CREB5: variants seen among roughly 807,000 people sequenced by gnomAD.
The protein encoded by CREB5 is cAMP responsive element binding protein 5.
CREB5 carries 19 observed loss-of-function variants against 57.1 expected under a neutral mutation model. The ratio of observed to expected loss-of-function variants is 0.33; its 90% confidence interval spans 0.23 to 0.49. CREB5 has a LOEUF of 0.49. CREB5 is among the 20% of genes least tolerant of loss of function. The probability of loss-of-function intolerance (pLI) is 0.99; values close to 1 mark genes in which losing one functional copy is unlikely to be tolerated. For synonymous variants in CREB5, 238 were observed against 238.3 expected (o/e 1.00, Z 0.01); for missense variants, 579 against 671.6 (o/e 0.86, Z 1.52).
intron 7 of CREB5, among the ~76,000 whole-genome samples, chr7:28,803,116 T>G (rs1174413203): frequency 6.6e-6 from 1 of 152,244 alleles, no homozygotes; most frequent in African/African-American, 2.4e-5. Flanking sequence ...TGTGTGCATG[T>G]CTGCTTATGA....
intron 7 of CREB5, among the ~76,000 whole-genome samples, chr7:28,796,288 T>C (rs918600696): frequency 6.6e-6 from 1 of 152,244 alleles, no homozygotes; most frequent in Non-Finnish European, 1.5e-5. Context: ...ATACAAAACA[T>C]GACCTTTTGT....
At position 28,683,325 on chromosome 7, in the gene CREB5, G is replaced by A. The variant is rs116565382; in HGVS notation, c.465-35428G>A. On this transcript the variant is annotated intron_variant, in intron 5 of 10. Coordinates refer to ENST00000357727, the MANE Select transcript of CREB5 (RefSeq NM_182898.4). ...GTAGGGCTTCTTTTCAAGTGGGGAG[G>A]CACCCAGCAGCCAGTGGAATGCCTG... Among the ~76,000 whole-genome samples, 588 of 152,254 alleles carry A rather than the reference G, an allele frequency of 3.9e-3. 6 individuals carry two copies. The highest frequency in any genetic ancestry group is 0.013 in the African/African-American group (535 of 41,544).
intron 1 of CREB5, among the ~76,000 whole-genome samples, chr7:28,353,972 A>C (rs1461494165): frequency 4.6e-5 from 7 of 152,200 alleles, no homozygotes; most frequent in Non-Finnish European, 4.4e-5. Context: ...ACCATTAAAG[A>C]CATTATTAAG....
chr7:28,522,514 G>T (rs1413287937), intron 4 of CREB5, among the ~76,000 whole-genome samples: 3 of 149,020 alleles, frequency 2.0e-5, no homozygotes, highest in Non-Finnish European at 4.4e-5. Flanking sequence ...TCTTGCCTCA[G>T]CCTCCCAAGT....
chr7:28,553,585 T>C (rs1794754524), intron 4 of CREB5, among the ~76,000 whole-genome samples: 1 of 152,206 alleles, frequency 6.6e-6, no homozygotes, highest in Admixed American at 6.5e-5. Context: ...ATAGAGGCAG[T>C]CCTGTTTTCC....
At chr7:28,693,701 C>G (rs1801393791) in intron 5 of CREB5, among the ~76,000 whole-genome samples, 1 of 152,134 alleles carries the variant, frequency 6.6e-6, no homozygotes, top group African/African-American at 2.4e-5. Flanking sequence ...TTTTGACAAT[C>G]TATTGAAGCT....
At chr7:28,424,782 T>A (rs1032446072) in intron 1 of CREB5, among the ~76,000 whole-genome samples, 2 of 152,204 alleles carry the variant, frequency 1.3e-5, no homozygotes, top group African/African-American at 4.8e-5. Flanking sequence ...CCCATTCCCA[T>A]AAACACACAC....
chr7:28,557,001 C>T (rs1238333861), intron 4 of CREB5, among the ~76,000 whole-genome samples: 2 of 152,172 alleles, frequency 1.3e-5, no homozygotes, highest in African/African-American at 2.4e-5. Context: ...TAACTTCTTC[C>T]TTCTCTTACT....
chr7:28,649,741 A>T (rs1799051186), intron 5 of CREB5, among the ~76,000 whole-genome samples: 1 of 152,200 alleles, frequency 6.6e-6, no homozygotes, highest in Non-Finnish European at 1.5e-5. Flanking sequence ...AGTTTTTAGA[A>T]ATAGAGGGTG....
chr7:28,688,735 A>G lies in CREB5; in HGVS notation c.465-30018A>G, dbSNP rs534923544. On this transcript the variant is annotated intron_variant, in intron 5 of 10. Transcript: ENST00000357727. ...ACAGGGAAGGACCTTAACTATGCCT[A>G]TCTGTGGGAAGAAATTACCCAGAGC... 5.3e-5 allele frequency among the ~76,000 whole-genome samples: 8 copies of G among 152,298 alleles called. No individual in the cohort carries two copies. In the East Asian group the frequency reaches 1.2e-3, roughly 22 times the overall value.
chr7:28,783,106 C>G (rs557234910), intron 7 of CREB5, among the ~76,000 whole-genome samples: 1 of 152,240 alleles, frequency 6.6e-6, no homozygotes, highest in Non-Finnish European at 1.5e-5. Flanking sequence ...TATGGAGAAG[C>G]CAGCAAAATA....
intron 6 of CREB5, among the ~76,000 whole-genome samples, chr7:28,721,328 C>G (rs76232420): frequency 0.012 from 1,885 of 152,270 alleles, 49 homozygotes; most frequent in African/African-American, 0.043. Context: ...TTGAGAAGCC[C>G]TGGTCTTGAG....
At chr7:28,535,621 AAGAG>A (rs1034769064) in intron 4 of CREB5, among the ~76,000 whole-genome samples, 8 of 151,998 alleles carry the variant, frequency 5.3e-5, no homozygotes, top group African/African-American at 1.9e-4. Flanking sequence ...ATAGGAGAGA[AAGAG>A]GGAGGAAGGA....
At chr7:28,312,416 G>C (rs1167926111) in intron 1 of CREB5, among the ~76,000 whole-genome samples, 8 of 152,212 alleles carry the variant, frequency 5.3e-5, no homozygotes, top group African/African-American at 1.7e-4. Context: ...TGCAAGGAAT[G>C]CTGGCAGGAG....
At chr7:28,482,480 T>G (rs945168096) in intron 1 of CREB5, among the ~76,000 whole-genome samples, 4 of 152,188 alleles carry the variant, frequency 2.6e-5, no homozygotes, top group African/African-American at 9.7e-5. Flanking sequence ...GAAAGCAGGA[T>G]TGATGTGGAG....
At chr7:28,643,303 A>G (rs1054211160) in intron 5 of CREB5, among the ~76,000 whole-genome samples, 1 of 152,148 alleles carries the variant, frequency 6.6e-6, no homozygotes, top group African/African-American at 2.4e-5. Context: ...CTTCCAGCTA[A>G]GTTTAGGGCA....
At chr7:28,538,215 A>G (rs111968128) in intron 4 of CREB5, among the ~76,000 whole-genome samples, 1,758 of 152,074 alleles carry the variant, frequency 0.012, 28 homozygotes, top group African/African-American at 0.041. Context: ...CACCACGCCC[A>G]GCTAATTTTT....
At chr7:28,538,025 T>G (rs981454379) in intron 4 of CREB5, among the ~76,000 whole-genome samples, 1 of 150,832 alleles carries the variant, frequency 6.6e-6, no homozygotes, top group East Asian at 2.0e-4. Context: ...AACTATGGTT[T>G]TTGTTGTTGT....
chr7:28,487,946 A>G (rs1461462343), intron 1 of CREB5, among the ~76,000 whole-genome samples: 2 of 152,182 alleles, frequency 1.3e-5, no homozygotes, highest in Non-Finnish European at 1.5e-5. Flanking sequence ...TTCCAAGTAC[A>G]GTCAGTATGC....
Sources: gnomAD v4.1 joint callset for allele counts (sites outside exome capture counted in the v4.1 genomes callset) on GRCh38, gnomAD v4.1.1 for gene constraint, MANE v1.5 for transcripts, NCBI Gene and HGNC (gene_info 2026-07-23, HGNC 2026-07-21) for gene names.